Variants in AP3B2 observed in about 807,000 individuals in gnomAD.
AP3B2 encodes AP-3 complex subunit beta-2.
A neutral mutation model predicts 126.9 loss-of-function variants in AP3B2; 50 were observed. The observed-to-expected ratio is 0.39, with a 90% confidence interval of 0.31 to 0.50. The LOEUF is 0.50. AP3B2 is among the 20% of genes least tolerant of loss of function. The pLI, the probability that AP3B2 is intolerant of heterozygous loss-of-function variation, is 0.79. For missense variants in AP3B2, 1,177 were observed against 1,426.4 expected (o/e 0.83, Z 2.82); for synonymous variants, 541 against 565.0 (o/e 0.96, Z 0.60).
rs1393123544 is a variant in AP3B2, at chr15:82,688,740, AGG to A, written c.354_355del (p.Leu119LysfsTer17). On this transcript the variant is annotated frameshift_variant, in exon 4 of 27. Coordinates refer to ENST00000535359, the MANE Select transcript of AP3B2 (RefSeq NM_001278512.2). LOFTEE classifies it high-confidence loss of function. The stretch of plus-strand genomic sequence containing the variant: ...AGGCAAACTGAGACCCCTGACCTTT[AGG>A]CCACGTTGGAAGGTGGAGATGGACA... 1 of 1,611,110 alleles carries A rather than the reference AGG, an allele frequency of 6.2e-7. No individual in the cohort carries two copies. Among genetic ancestry groups the A allele is most frequent in the Non-Finnish European group, 8.5e-7 (1 of 1,178,744 alleles).
At chr15:82,672,796 C>T (rs2048179060) in intron 14 of AP3B2, among the ~76,000 whole-genome samples, 1 of 152,206 alleles carries the variant, frequency 6.6e-6, no homozygotes. Context: ...CAGACTGGCT[C>T]TAGAGACTTT....
At chr15:82,663,050 A>C in intron 22 of AP3B2, 77 bp downstream of exon 22, 2 of 1,486,108 alleles carry the variant, frequency 1.3e-6, no homozygotes, top group Non-Finnish European at 1.8e-6. Flanking sequence ...CCCACCCCCC[A>C]CACACATCCA....
At position 82,661,811 on chromosome 15, in the gene AP3B2, C is replaced by G; in HGVS notation, c.3016+14G>C. ...CTATACTTCCCTCTCTGCCCACTCC[C>G]AGGGAGCACTCACCCTGTTCCTTCT... On this transcript the variant is annotated intron_variant, in intron 25 of 26. Transcript: ENST00000535359. 7.5e-6 allele frequency: 12 copies of G among 1,605,472 alleles called. No individual in the cohort carries two copies. Among genetic ancestry groups the G allele is most frequent in the Non-Finnish European group, 8.5e-6 (10 of 1,174,942 alleles).
chr15:82,664,006 T>G lies in AP3B2; in HGVS notation c.2262-31A>C. On this transcript the variant is annotated intron_variant, in intron 19 of 26. Transcript: ENST00000535359. This position sits in a 1 kb window ranked among gnomAD's most constrained non-coding sequence, Gnocchi z 4.5. Reference sequence around the variant, plus strand: ...GGAGTGGGAAAGGTTGGCTCAGGCCTGGCCTGGACACTCCCTCCTTGCTTC... The same window carrying G: ...GGAGTGGGAAAGGTTGGCTCAGGCCGGGCCTGGACACTCCCTCCTTGCTTC... The G allele has an allele frequency of 1.3e-6, 2 of 1,585,230 alleles. No homozygotes were observed. The highest frequency in any genetic ancestry group is 1.3e-5 in the African/African-American group (1 of 74,658).
rs2048342022 is a variant in AP3B2, at chr15:82,681,719, G to A, written c.361-139C>T. On this transcript the variant is annotated intron_variant, in intron 4 of 26. Coordinates refer to ENST00000535359, the MANE Select transcript of AP3B2 (RefSeq NM_001278512.2). The surrounding 1 kb of genome is among the most constrained non-coding windows in gnomAD (Gnocchi z 4.0). Reference sequence around the variant, plus strand: ...CGCTTGACTGGAGCCTGGATGGTGTGCCAGTGATGGGTATCTGGGGGACAC... The same window carrying A: ...CGCTTGACTGGAGCCTGGATGGTGTACCAGTGATGGGTATCTGGGGGACAC... The A allele has an allele frequency of 1.8e-5, 17 of 919,090 alleles. No homozygotes were observed. The highest frequency in any genetic ancestry group is 3.2e-4 in the Middle Eastern group (1 of 3,100). 56.9% of individuals were successfully genotyped at this position (919,090 alleles called of 1,614,324 possible).
At position 82,683,066 on chromosome 15, in the gene AP3B2, T is replaced by TTTG. The variant is rs1555467290; in HGVS notation, c.361-1487_361-1486insCAA. Among the ~76,000 whole-genome samples, 5 of 131,808 alleles carry TTTG rather than the reference T, an allele frequency of 3.8e-5. No homozygotes were observed. In the East Asian group the frequency reaches 1.0e-3, roughly 27 times the overall value. 86.5% of individuals were successfully genotyped at this position (131,808 alleles called of 152,430 possible). On this transcript the variant is annotated intron_variant, in intron 4 of 26. Coordinates refer to ENST00000535359, the MANE Select transcript of AP3B2 (RefSeq NM_001278512.2). Reference sequence around the variant, plus strand: ...CCAGGAGTTTTTTTTTTTTTTTTTTTTTTTTTTTTTGTAACGGAGTCTCGC... The same window carrying TTTG: ...CCAGGAGTTTTTTTTTTTTTTTTTTTTTGTTTTTTTTTTGTAACGGAGTCTCGC...
intron 1 of AP3B2, among the ~76,000 whole-genome samples, chr15:82,703,750 G>A (rs1451711431): frequency 6.6e-6 from 1 of 151,406 alleles, no homozygotes; most frequent in Admixed American, 6.6e-5. Context: ...TTCCCAATGC[G>A]ACTCATCCCA....
At position 82,680,435 on chromosome 15, in the gene AP3B2, AGGCGAGGGAGGG is replaced by A; in HGVS notation, c.1055+25_1055+36del. 8.6e-6 allele frequency: 10 copies of A among 1,158,874 alleles called. No homozygotes were observed. The highest frequency in any genetic ancestry group is 1.1e-5 in the Non-Finnish European group (10 of 932,854). The allele number at this position is 1,158,874 out of a possible 1,614,324, so 71.8% of individuals were successfully genotyped here. ...CGGGCAGCCCGTGGGGCGGGGCAGG[AGGCGAGGGAGGG>A]GGCGGGGCTGGGGGCGGAGCGCACC... On this transcript the variant is annotated intron_variant, in intron 8 of 26. Transcript: ENST00000535359. The surrounding 1 kb of genome is among the most constrained non-coding windows in gnomAD (Gnocchi z 6.1).
At position 82,681,276 on chromosome 15, in the gene AP3B2, G is replaced by A. The variant is rs1056797481; in HGVS notation, c.522-98C>T. ...TCACCTCCTGCACCCCAGCCTTATT[G>A]TTCTCCTCCATCTCTGTCAGTCCCC... is the stretch of plus-strand genomic sequence containing the variant. On this transcript the variant is annotated intron_variant, in intron 5 of 26. Transcript: ENST00000535359. The surrounding 1 kb of genome is among the most constrained non-coding windows in gnomAD (Gnocchi z 4.0). 25 of 1,520,662 alleles carry A rather than the reference G, an allele frequency of 1.6e-5. No individual in the cohort carries two copies. The African/African-American group carries it at 3.0e-4, about 18-fold the overall frequency. 94.2% of individuals were successfully genotyped at this position (1,520,662 alleles called of 1,614,324 possible). A position where few individuals can be genotyped will look rare whatever the true frequency, so the allele number is the denominator to read the frequency against.
At chr15:82,703,459 A>G (rs1349140268) in intron 1 of AP3B2, among the ~76,000 whole-genome samples, 1 of 144,242 alleles carries the variant, frequency 6.9e-6, no homozygotes, top group East Asian at 2.0e-4. Flanking sequence ...TGTGGGCAAC[A>G]TTCCACCCTC....
rs529909421 is a variant in AP3B2 at position 82,683,206 on chromosome 15, C to T, written c.361-1626G>A. 2.8e-5 allele frequency among the ~76,000 whole-genome samples: 4 copies of T among 144,376 alleles called. No individual in the cohort carries two copies. In the East Asian group the frequency reaches 6.1e-4, roughly 22 times the overall value. The allele number at this position is 144,376 out of a possible 152,430, so 94.7% of individuals were successfully genotyped here. A position where few individuals can be genotyped will look rare whatever the true frequency, so the allele number is the denominator to read the frequency against. ...CCCGAGTAGCTGGGACTACAGGTGC[C>T]CGCCACCATGCCTGGCTAATTTTTC... On this transcript the variant is annotated intron_variant, in intron 4 of 26. Coordinates refer to ENST00000535359, the MANE Select transcript of AP3B2 (RefSeq NM_001278512.2).
intron 12 of AP3B2, 104 bp from the exon 13 acceptor site, chr15:82,677,487 AC>A (rs2048262918): frequency 1.5e-6 from 2 of 1,377,144 alleles, no homozygotes; most frequent in Admixed American, 4.0e-5. Flanking sequence ...CTTTCTCTCA[AC>A]CCCCTTCAGT....
chr15:82,696,364 G>A (rs1165490901), intron 1 of AP3B2, among the ~76,000 whole-genome samples: 2 of 152,180 alleles, frequency 1.3e-5, no homozygotes, highest in Admixed American at 1.3e-4. Flanking sequence ...GATCACTTAA[G>A]GTCAGGAGTT....
At chr15:82,670,300 G>A (rs1268309522) in intron 14 of AP3B2, among the ~76,000 whole-genome samples, 2 of 152,108 alleles carry the variant, frequency 1.3e-5, no homozygotes, top group Admixed American at 1.3e-4. Flanking sequence ...AGTAGAGACA[G>A]GGTTTCGCCA....
At position 82,680,852 on chromosome 15, in the gene AP3B2, C is replaced by G. The variant is rs771566020; in HGVS notation, c.756G>C (p.Leu252=). 13 of 1,613,610 alleles carry G rather than the reference C, an allele frequency of 8.1e-6. No individual in the cohort carries two copies. The Middle Eastern group carries it at 4.9e-4, about 61-fold the overall frequency. ...GCCCACTTACGTTCTGGGTGGGGCT[C>G]AGGAACTGCGTGCGGGCGTAGCGGG... The part of the protein sequence containing the change: ...MLTRYARTQF[L]SPTQNESLLE... The change falls in exon 7 of 27, where the codon CTG becomes CTC. Residue 252 remains leucine (L), a synonymous_variant. Coordinates refer to ENST00000535359, the MANE Select transcript of AP3B2 (RefSeq NM_001278512.2). The surrounding 1 kb of genome is among the most constrained non-coding windows in gnomAD (Gnocchi z 6.1).
rs775472691 is a variant in AP3B2, at chr15:82,663,849, C to T, written c.2388G>A (p.Ser796=). ...SSSSSESEMT[S]ESEEEQLEPA... Reference sequence around the variant, plus strand: ...GTTCTAACTGCTCCTCCTCGGACTCCGATGTCATCTCGGACTCTGATGAGC... The same window carrying T: ...GTTCTAACTGCTCCTCCTCGGACTCTGATGTCATCTCGGACTCTGATGAGC... Residue 796 remains serine, a synonymous_variant, in exon 20 of 27, where the codon TCG becomes TCA. Transcript: ENST00000535359. 32 of 1,613,916 alleles carry T rather than the reference C, an allele frequency of 2.0e-5. No homozygotes were observed. Among genetic ancestry groups the T allele is most frequent in the South Asian group, 5.5e-5 (5 of 91,054 alleles).
At chr15:82,704,022 C>G (rs1316627828) in intron 1 of AP3B2, among the ~76,000 whole-genome samples, 1 of 152,168 alleles carries the variant, frequency 6.6e-6, no homozygotes, top group Non-Finnish European at 1.5e-5. Context: ...GACTAGCCCT[C>G]CCCAACCTGC....
At position 82,663,226 on chromosome 15, in the gene AP3B2, A is replaced by G. The variant is rs774735245; in HGVS notation, c.2505T>C (p.Pro835=). The change falls in exon 22 of 27, where the codon CCT becomes CCC. Residue 835 remains proline, a synonymous_variant. Coordinates refer to ENST00000535359, the MANE Select transcript of AP3B2 (RefSeq NM_001278512.2). ...GGGGAGACACAGGCTGGACACTGGG[A>G]GGGGTGACTGTGGGAGTAGATAAGA... ...ISLLDLEDFT[P]PSVQPVSPPA... 1 of 1,612,344 alleles carries G rather than the reference A, an allele frequency of 6.2e-7. No individual in the cohort carries two copies. The highest frequency in any genetic ancestry group is 1.1e-5 in the South Asian group (1 of 90,748).
rs1308978897 is a variant in AP3B2, at chr15:82,680,003, C to A, written c.1110+172G>T. ...CATCCCCTCAGCGGCCCCTCAGGAT[C>A]CAGGCCCTGCTCCCTATCTGTATTT... On this transcript the variant is annotated intron_variant, in intron 9 of 26. Transcript: ENST00000535359. This position sits in a 1 kb window ranked among gnomAD's most constrained non-coding sequence, Gnocchi z 6.1. 2.6e-5 allele frequency among the ~76,000 whole-genome samples: 4 copies of A among 152,160 alleles called. No individual in the cohort carries two copies. Among genetic ancestry groups the A allele is most frequent in the Non-Finnish European group, 4.4e-5 (3 of 68,026 alleles).
Sources: gnomAD v4.1 joint callset for allele counts (sites outside exome capture counted in the v4.1 genomes callset) on GRCh38, gnomAD v4.1.1 for gene constraint, Gnocchi (gnomAD v3.1) non-coding constraint, MANE v1.5 for transcripts, NCBI Gene and HGNC (gene_info 2026-07-23, HGNC 2026-07-21) for gene names.